KIF13A: variants seen among roughly 807,000 people sequenced by gnomAD.
The protein encoded by KIF13A is kinesin-like protein KIF13A.
Under a neutral mutation model 212.2 loss-of-function variants are expected in KIF13A, and 79 were observed. The observed-to-expected ratio is 0.37, with a 90% confidence interval of 0.31 to 0.45. KIF13A has a LOEUF of 0.45. Among genes scored for constraint, KIF13A ranks in the 20% least tolerant of loss-of-function variants. KIF13A has a pLI of 1.00. For missense variants in KIF13A, 1,901 were observed against 2,209.0 expected, an observed-to-expected ratio of 0.86 and a Z score of 2.79; for synonymous variants, 789 against 808.6, an observed-to-expected ratio of 0.98 and a Z score of 0.41.
At chr6:17,952,197 G>A (rs952263662) in intron 2 of KIF13A, among the ~76,000 whole-genome samples, 14 of 151,668 alleles carry the variant, frequency 9.2e-5, no homozygotes, top group Non-Finnish European at 2.1e-4. Flanking sequence ...CCAGCTACTC[G>A]GGAGGCTGAG....
chr6:17,965,993 A>G (rs1489600184), intron 2 of KIF13A, among the ~76,000 whole-genome samples: 2 of 152,198 alleles, frequency 1.3e-5, no homozygotes, highest in Non-Finnish European at 2.9e-5. Context: ...CAGGAGTTTG[A>G]GACCAGCCTG....
Position 17,895,073 on chromosome 6 carries a change from C to T in KIF13A, c.159+3095G>A, listed in dbSNP as rs1006865069. ...AACCCTTGCACTAAATTCTTAATTT[C>T]GGTTTTGGGTTTTTCAGATTGAGGA... On this transcript the variant is annotated intron_variant, in intron 3 of 38. Transcript: ENST00000259711. This position sits in a 1 kb window ranked among gnomAD's most constrained non-coding sequence, Gnocchi z 4.4. 6.6e-6 allele frequency among the ~76,000 whole-genome samples: 1 copy of T among 152,256 alleles called. No homozygotes were observed. Among genetic ancestry groups the T allele is most frequent in the African/African-American group, 2.4e-5 (1 of 41,564 alleles).
rs1491145209 is a variant in KIF13A at position 17,858,122 on chromosome 6, CAT to C, written c.221-2002_221-2001del. ...GTGTGTGTGTGTGTGTGCATGCACG[CAT>C]GTGTGTGTGTGTGTGTGAGAGAGAG... On this transcript the variant is annotated intron_variant, in intron 4 of 38. Transcript: ENST00000259711. Among the ~76,000 whole-genome samples, 8 of 132,064 alleles carry C rather than the reference CAT, an allele frequency of 6.1e-5. No homozygotes were observed. The South Asian group carries it at 1.4e-3, about 23-fold the overall frequency. The allele number at this position is 132,064 out of a possible 152,430, so 86.6% of individuals were successfully genotyped here. A position where few individuals can be genotyped will look rare whatever the true frequency, so the allele number is the denominator to read the frequency against.
intron 3 of KIF13A, among the ~76,000 whole-genome samples, chr6:17,877,721 T>C (rs917665335): frequency 6.6e-6 from 1 of 151,926 alleles, no homozygotes; most frequent in African/African-American, 2.4e-5. Context: ...TCCCGGGCAC[T>C]GTGCCCAAGC....
At chr6:17,865,940 A>C (rs1054397180) in intron 4 of KIF13A, among the ~76,000 whole-genome samples, 2 of 152,148 alleles carry the variant, frequency 1.3e-5, no homozygotes, top group Admixed American at 6.5e-5. Flanking sequence ...GGCCATGAGC[A>C]TGGTCTTTTT....
intron 9 of KIF13A, among the ~76,000 whole-genome samples, chr6:17,846,663 C>G (rs1383849419): frequency 1.3e-5 from 2 of 149,810 alleles, no homozygotes; most frequent in African/African-American, 4.9e-5. Context: ...GAGAGAATTC[C>G]ATTCAATTCA....
chr6:17,950,529 A>T, intron 2 of KIF13A: 1 of 985,350 alleles, frequency 1.0e-6, no homozygotes, highest in Non-Finnish European at 1.2e-6. Flanking sequence ...GTACACAAAC[A>T]CACATTCCTT....
intron 25 of KIF13A, among the ~76,000 whole-genome samples, chr6:17,790,769 T>C (rs1761464290): frequency 1.3e-5 from 2 of 152,194 alleles, no homozygotes; most frequent in Non-Finnish European, 2.9e-5. Context: ...TCAGGCTATA[T>C]ACATACAAGG....
Position 17,976,367 on chromosome 6 carries a change from C to T in KIF13A, c.146+10687G>A, listed in dbSNP as rs186720840. ...AGCTAAGGCCCGGCGAGAAATCGAG[C>T]GCAGCGCCGGTGGGCCGGCACTGCT... On this transcript the variant is annotated intron_variant, in intron 2 of 38. Transcript: ENST00000259711. Among the ~76,000 whole-genome samples, 100 of 152,328 alleles carry T rather than the reference C, an allele frequency of 6.6e-4. No homozygotes were observed. In the East Asian group the frequency reaches 0.018, roughly 28 times the overall value.
chr6:17,975,736 C>A (rs1423318991), intron 2 of KIF13A, among the ~76,000 whole-genome samples: 1 of 151,922 alleles, frequency 6.6e-6, no homozygotes, highest in Non-Finnish European at 1.5e-5. Flanking sequence ...TCTCCACGTC[C>A]TCATTAGATT....
chr6:17,864,506 A>G (rs1769166464), intron 4 of KIF13A, among the ~76,000 whole-genome samples: 1 of 152,018 alleles, frequency 6.6e-6, no homozygotes, highest in Admixed American at 6.5e-5. Context: ...TCTTTTTTGA[A>G]AGAGATAGGG....
chr6:17,977,579 T>C (rs998043874), intron 2 of KIF13A, among the ~76,000 whole-genome samples: 1 of 152,186 alleles, frequency 6.6e-6, no homozygotes, highest in Middle Eastern at 3.2e-3. Flanking sequence ...ATTTGTAGCA[T>C]AACGAAATGT....
intron 29 of KIF13A, among the ~76,000 whole-genome samples, chr6:17,782,638 A>ACAAAACAAAACAAAG (rs1420558307): frequency 1.4e-5 from 2 of 138,544 alleles, no homozygotes; most frequent in Admixed American, 1.4e-4. Context: ...CTGTCTCAAA[A>ACAAAACAAAACAAAG]CAAAACAAAA....
chr6:17,800,840 C>T (rs1296669679), intron 20 of KIF13A, among the ~76,000 whole-genome samples: 1 of 151,898 alleles, frequency 6.6e-6, no homozygotes, highest in Non-Finnish European at 1.5e-5. Flanking sequence ...ACCTCATGAT[C>T]CACCCGCCTC....
In KIF13A at chr6:17,816,573, C is replaced by T. The variant is rs1204980290; in HGVS notation, c.2000+447G>A. ...GCTTAAGTGATCCTCCCGCCTCAGC[C>T]TCCCCAAGTGCTAGGATTACAGGTG... On this transcript the variant is annotated intron_variant, in intron 17 of 38. Coordinates refer to ENST00000259711, the MANE Select transcript of KIF13A (RefSeq NM_022113.6). This position sits in a 1 kb window ranked among gnomAD's most constrained non-coding sequence, Gnocchi z 4.3. 6.6e-6 allele frequency among the ~76,000 whole-genome samples: 1 copy of T among 152,160 alleles called. No individual in the cohort carries two copies. The highest frequency in any genetic ancestry group is 6.5e-5 in the Admixed American group (1 of 15,272).
chr6:17,936,802 C>T (rs1776508679), intron 2 of KIF13A, among the ~76,000 whole-genome samples: 1 of 151,766 alleles, frequency 6.6e-6, no homozygotes, highest in African/African-American at 2.4e-5. Context: ...TTCTATAAAG[C>T]AGATTTATGT....
intron 2 of KIF13A, among the ~76,000 whole-genome samples, chr6:17,917,837 G>A (rs1212560172): frequency 6.6e-6 from 1 of 152,078 alleles, no homozygotes; most frequent in Non-Finnish European, 1.5e-5. Context: ...GTCGTCTGTA[G>A]GATATGGTAA....
In KIF13A at chr6:17,880,706, T is replaced by G. The variant is rs370544107; in HGVS notation, c.160-7269A>C. On this transcript the variant is annotated intron_variant, in intron 3 of 38. Transcript: ENST00000259711. ...GCAGTGGGGCTTGAGGCAATCACAG[T>G]TCACTGTAACCTCAAACTCCTGGGC... 2.6e-5 allele frequency among the ~76,000 whole-genome samples: 4 copies of G among 151,114 alleles called. No homozygotes were observed. The East Asian group carries it at 5.8e-4, about 22-fold the overall frequency.
In KIF13A at chr6:17,769,194, A is replaced by G. The variant is rs1484351038; in HGVS notation, c.4581+1920T>C. ...TACCCATTTATAAGAGAAAAAACAA[A>G]ATTAAAGTTTCCCAAAGAGAAACAA... On this transcript the variant is annotated intron_variant, in intron 38 of 38. Coordinates refer to ENST00000259711, the MANE Select transcript of KIF13A (RefSeq NM_022113.6). The surrounding 1 kb of genome is among the most constrained non-coding windows in gnomAD (Gnocchi z 5.8). Among the ~76,000 whole-genome samples, 2 of 152,226 alleles carry G rather than the reference A, an allele frequency of 1.3e-5. No homozygotes were observed. The highest frequency in any genetic ancestry group is 1.3e-4 in the Admixed American group (2 of 15,270).
Sources: gnomAD v4.1 joint callset for allele counts (sites outside exome capture counted in the v4.1 genomes callset) on GRCh38, gnomAD v4.1.1 for gene constraint, Gnocchi (gnomAD v3.1) non-coding constraint, MANE v1.5 for transcripts, NCBI Gene and HGNC (gene_info 2026-07-23, HGNC 2026-07-21) for gene names.